The following NDST1 variants were observed in gnomAD, a reference collection of about 807,000 sequenced individuals.
NDST1 encodes N-deacetylase and N-sulfotransferase 1.
In NDST1, 35 loss-of-function variants were observed where a neutral mutation model predicts 92.8. The ratio of observed to expected loss-of-function variants is 0.38; its 90% CI spans 0.29 to 0.50. The LOEUF (loss-of-function observed/expected upper bound fraction) is 0.50. Ranked by LOEUF, NDST1 falls within the 20% of genes least tolerant of loss-of-function variation. NDST1 has a pLI of 0.94. For synonymous variants in NDST1, 493 were observed against 500.3 expected (o/e 0.99, Z 0.19); for missense variants, 822 against 1,182.7 (o/e 0.69, Z 4.47).
intron 1 of NDST1, among the ~76,000 whole-genome samples, chr5:150,512,748 C>G (rs1171199245): frequency 1.3e-5 from 2 of 152,220 alleles, no homozygotes; most frequent in African/African-American, 4.8e-5. Context: ...GCACTGAGCT[C>G]AGTGTTTTAC....
At chr5:150,537,729 C>G (rs1755057182) in intron 6 of NDST1, among the ~76,000 whole-genome samples, 1 of 152,226 alleles carries the variant, frequency 6.6e-6, no homozygotes, top group South Asian at 2.1e-4. Context: ...GACCCACACC[C>G]TATTCGTACG....
At chr5:150,524,594 G>A (rs1158214156) in intron 2 of NDST1, among the ~76,000 whole-genome samples, 1 of 152,248 alleles carries the variant, frequency 6.6e-6, no homozygotes, top group Non-Finnish European at 1.5e-5. Flanking sequence ...AATTCTCACA[G>A]CTATCCTGTG....
intron 12 of NDST1, among the ~76,000 whole-genome samples, chr5:150,549,098 G>A (rs375524382): frequency 5.9e-5 from 9 of 152,296 alleles, no homozygotes; most frequent in African/African-American, 2.2e-4. Flanking sequence ...TGCAACCTCT[G>A]CCTCCCGGGT....
intron 1 of NDST1, among the ~76,000 whole-genome samples, chr5:150,501,224 A>G (rs975392327): frequency 3.3e-5 from 5 of 152,170 alleles, no homozygotes; most frequent in African/African-American, 1.2e-4. Flanking sequence ...TGCTGACCAC[A>G]GGAAAAGGGC....
At chr5:150,501,116 A>G (rs1026231776) in intron 1 of NDST1, among the ~76,000 whole-genome samples, 1 of 152,132 alleles carries the variant, frequency 6.6e-6, no homozygotes, top group Non-Finnish European at 1.5e-5. Flanking sequence ...CTTTCCTTAA[A>G]CTATCTGATG....
At chr5:150,522,773 G>C (rs2748217) in intron 2 of NDST1, among the ~76,000 whole-genome samples, 31,793 of 151,136 alleles carry the variant, frequency 0.21, 3,370 homozygotes, top group South Asian at 0.24. Flanking sequence ...AGGACACAGA[G>C]GGTAGTGGGG....
At chr5:150,505,060 AT>A (rs1561585942), upstream of NDST1, among the ~76,000 whole-genome samples, 1 of 152,234 alleles carries the variant, frequency 6.6e-6, no homozygotes, top group Non-Finnish European at 1.5e-5. Context: ...TAAAGTTGGC[AT>A]GTGATACCGC....
Position 150,553,519 on chromosome 5 carries a change from C to T in NDST1, c.*187C>T, listed in dbSNP as rs1387939535. 2.6e-6 allele frequency: 2 copies of T among 771,910 alleles called. No individual in the cohort carries two copies. Among genetic ancestry groups the T allele is most frequent in the Non-Finnish European group, 4.3e-6 (2 of 461,338 alleles). The allele number at this position is 771,910 out of a possible 1,614,324, so 47.8% of individuals were successfully genotyped here. On this transcript the variant is annotated 3_prime_UTR_variant, in exon 15 of 15. Transcript: ENST00000261797. The surrounding 1 kb of genome is among the most constrained non-coding windows in gnomAD (Gnocchi z 4.2). Reference sequence around the variant, plus strand: ...TGCAAGCACCTCGGAGCACCCACCGCTGGGTCTGCGGCCTAAGGGACCTCC... The same window carrying T: ...TGCAAGCACCTCGGAGCACCCACCGTTGGGTCTGCGGCCTAAGGGACCTCC...
At chr5:150,548,638 G>T (rs1030157894) in intron 12 of NDST1, among the ~76,000 whole-genome samples, 2 of 152,084 alleles carry the variant, frequency 1.3e-5, no homozygotes, top group Non-Finnish European at 2.9e-5. Flanking sequence ...CCGAGCTCAC[G>T]CAATCCTTCC....
At chr5:150,499,304 C>T (rs536155612) in intron 1 of NDST1, among the ~76,000 whole-genome samples, 56 of 152,322 alleles carry the variant, frequency 3.7e-4, no homozygotes, top group African/African-American at 1.3e-3. Flanking sequence ...CTACATTCTC[C>T]AGGGGTCATT....
chr5:150,508,721 G>A (rs1310847153), intron 1 of NDST1, among the ~76,000 whole-genome samples: 1 of 152,164 alleles, frequency 6.6e-6, no homozygotes, highest in African/African-American at 2.4e-5. Flanking sequence ...CAAAGCCAGA[G>A]GGGCCCCTAG....
At chr5:150,523,680 C>CCA (rs1754342635) in intron 2 of NDST1, among the ~76,000 whole-genome samples, 1 of 152,230 alleles carries the variant, frequency 6.6e-6, no homozygotes, top group African/African-American at 2.4e-5. Flanking sequence ...CACAGAGCTC[C>CCA]CACAGTCTTT....
intron 1 of NDST1, among the ~76,000 whole-genome samples, chr5:150,510,544 TG>T (rs912230607): frequency 1.3e-5 from 2 of 152,194 alleles, no homozygotes; most frequent in African/African-American, 4.8e-5. Flanking sequence ...GCAGGTGACC[TG>T]CCGTGTTCCC....
In NDST1 at chr5:150,521,053, A is replaced by G. The variant is rs891371721; in HGVS notation, c.-202A>G. The stretch of plus-strand genomic sequence containing the variant: ...GGGCGCGGAGGAAGGAAGGAGCGTG[A>G]CCAGCCTGTGGACTGCGCCCCTGGC... On this transcript the variant is annotated 5_prime_UTR_variant, in exon 2 of 15. Transcript: ENST00000261797. This position sits in a 1 kb window ranked among gnomAD's most constrained non-coding sequence, Gnocchi z 5.9. 178 of 604,370 alleles carry G rather than the reference A, an allele frequency of 2.9e-4. 1 individual carries two copies. The highest frequency in any genetic ancestry group is 1.5e-5 in the Non-Finnish European group (5 of 340,460). 37.4% of individuals were successfully genotyped at this position (604,370 alleles called of 1,614,324 possible). A position where few individuals can be genotyped will look rare whatever the true frequency, so the allele number is the denominator to read the frequency against.
At chr5:150,541,723 A>T in intron 9 of NDST1, 57 bp downstream of exon 9, 1 of 1,508,672 alleles carries the variant, frequency 6.6e-7, no homozygotes, top group Non-Finnish European at 9.2e-7. Flanking sequence ...TCAGCCACAG[A>T]ATTCTGAGGA....
Position 150,536,153 on chromosome 5 carries a change from G to A in NDST1, c.1437+268G>A, listed in dbSNP as rs1028815777. ...CTTGAAAGAGGTTTCTGATGAGGAT[G>A]TGGGACAGGGCTCTGTTACAGTCTT... On this transcript the variant is annotated intron_variant, in intron 6 of 14. Coordinates refer to ENST00000261797, the MANE Select transcript of NDST1 (RefSeq NM_001543.5). Among the ~76,000 whole-genome samples, 3 of 152,202 alleles carry A rather than the reference G, an allele frequency of 2.0e-5. No individual in the cohort carries two copies. The East Asian group carries it at 5.8e-4, about 29-fold the overall frequency.
At chr5:150,533,230 C>T (rs1180611011) in intron 4 of NDST1, among the ~76,000 whole-genome samples, 198 bp downstream of exon 4, 4 of 152,252 alleles carry the variant, frequency 2.6e-5, no homozygotes, top group Non-Finnish European at 5.9e-5. Context: ...GGGACAACAG[C>T]AGCGGCAGCA....
intron 1 of NDST1, among the ~76,000 whole-genome samples, chr5:150,515,324 A>G (rs12653568): frequency 0.1 from 15,413 of 152,262 alleles, 1,758 homozygotes; most frequent in African/African-American, 0.25. Context: ...TGACTTTTAT[A>G]TAAAATCTCC....
intron 4 of NDST1, 77 bp from the exon 5 acceptor site, chr5:150,534,790 C>G (rs769031648): frequency 4.4e-6 from 7 of 1,588,732 alleles, no homozygotes; most frequent in Non-Finnish European, 6.0e-6. Flanking sequence ...GCCATGCTCT[C>G]CCATCCCCAG....
Sources: gnomAD v4.1 joint callset for allele counts (sites outside exome capture counted in the v4.1 genomes callset) on GRCh38, gnomAD v4.1.1 for gene constraint, Gnocchi (gnomAD v3.1) non-coding constraint, MANE v1.5 for transcripts, NCBI Gene and HGNC (gene_info 2026-07-23, HGNC 2026-07-21) for gene names.